SLC25A13: variants seen among roughly 807,000 people sequenced by gnomAD.
SLC25A13 encodes electrogenic aspartate/glutamate antiporter SLC25A13, mitochondrial.
In SLC25A13, 70 loss-of-function variants were observed where a neutral mutation model predicts 85.5. The observed-to-expected ratio is 0.82, with a 90% CI of 0.68 to 1.00. SLC25A13 has a LOEUF of 1.00. SLC25A13 is among the 50% of genes least tolerant of loss of function. The pLI is 0.00. For synonymous variants in SLC25A13, 259 were observed against 288.7 expected (o/e 0.90, Z 1.04); for missense variants, 765 against 819.8 (o/e 0.93, Z 0.82).
chr7:96,181,062 TAACAAC>T (rs374391427), intron 11 of SLC25A13, among the ~76,000 whole-genome samples: 10 of 152,084 alleles, frequency 6.6e-5, no homozygotes, highest in African/African-American at 1.9e-4. Flanking sequence ...TTTTCAGAAA[TAACAAC>T]AACAACAACA....
intron 3 of SLC25A13, among the ~76,000 whole-genome samples, chr7:96,236,431 C>G (rs1244834977): frequency 6.6e-6 from 1 of 152,048 alleles, no homozygotes; most frequent in African/African-American, 2.4e-5. Context: ...CACATAACCA[C>G]TAGAAATTAA....
chr7:96,202,984 C>T (rs572416141), intron 5 of SLC25A13, among the ~76,000 whole-genome samples: 8 of 152,270 alleles, frequency 5.3e-5, no homozygotes, highest in South Asian at 2.1e-4. Flanking sequence ...TGGCCCATCA[C>T]TGTTACCATC....
chr7:96,218,636 T>G (rs1269644354), intron 4 of SLC25A13, among the ~76,000 whole-genome samples: 1 of 152,192 alleles, frequency 6.6e-6, no homozygotes, highest in African/African-American at 2.4e-5. Context: ...AAAAAGAGTT[T>G]CTCATTAAAA....
intron 4 of SLC25A13, among the ~76,000 whole-genome samples, chr7:96,229,191 G>A (rs546491674): frequency 9.2e-5 from 14 of 152,326 alleles, no homozygotes; most frequent in South Asian, 6.2e-4. Context: ...GTGGGGACTC[G>A]GAGAACTTTT....
At chr7:96,293,202 G>A (rs1193062884) in intron 2 of SLC25A13, among the ~76,000 whole-genome samples, 1 of 152,170 alleles carries the variant, frequency 6.6e-6, no homozygotes, top group African/African-American at 2.4e-5. Context: ...TTAACAAATG[G>A]TACTGGGAAA....
intron 13 of SLC25A13, among the ~76,000 whole-genome samples, chr7:96,149,583 T>C (rs1478537312): frequency 1.3e-5 from 2 of 152,150 alleles, no homozygotes; most frequent in African/African-American, 4.8e-5. Flanking sequence ...GAAAACATAA[T>C]GATGTACCCA....
intron 3 of SLC25A13, among the ~76,000 whole-genome samples, chr7:96,256,232 C>G (rs549887395): frequency 1.3e-5 from 2 of 152,054 alleles, no homozygotes; most frequent in African/African-American, 4.8e-5. Context: ...ACAATATTAA[C>G]CTTAAACGGG....
intron 1 of SLC25A13, chr7:96,306,999 G>A (rs967534554): frequency 2.5e-6 from 2 of 812,058 alleles, no homozygotes; most frequent in Non-Finnish European, 4.0e-6. Context: ...TTTGCCATGA[G>A]TCTGCGGTGG....
At chr7:96,246,494 G>C (rs199567783) in intron 3 of SLC25A13, among the ~76,000 whole-genome samples, 8 of 128,342 alleles carry the variant, frequency 6.2e-5, no homozygotes, top group Non-Finnish European at 8.5e-5. Context: ...ACAAGAACAT[G>C]CTATTTTCTT....
At chr7:96,217,966 G>A (rs1229227393) in intron 4 of SLC25A13, among the ~76,000 whole-genome samples, 2 of 150,802 alleles carry the variant, frequency 1.3e-5, no homozygotes, top group African/African-American at 4.9e-5. Context: ...AGTAACCCTG[G>A]GCAAATTACT....
intron 13 of SLC25A13, among the ~76,000 whole-genome samples, chr7:96,169,324 A>G (rs953181465): frequency 6.6e-6 from 1 of 152,216 alleles, no homozygotes; most frequent in Non-Finnish European, 1.5e-5. Context: ...TCGGATAAAA[A>G]AAACCAATAT....
chr7:96,295,515 C>T (rs192742000), intron 2 of SLC25A13, among the ~76,000 whole-genome samples: 5 of 152,266 alleles, frequency 3.3e-5, no homozygotes, highest in East Asian at 1.9e-4. Context: ...ATCTCAGAAA[C>T]GGTAGTCTCA....
chr7:96,164,283 C>G (rs1405271484), intron 13 of SLC25A13, among the ~76,000 whole-genome samples: 1 of 152,176 alleles, frequency 6.6e-6, no homozygotes, highest in African/African-American at 2.4e-5. Context: ...ATGTGGAGAA[C>G]CTGTTCCCCC....
At chr7:96,128,353 C>T (rs924091707) in intron 15 of SLC25A13, among the ~76,000 whole-genome samples, 1 of 152,130 alleles carries the variant, frequency 6.6e-6, no homozygotes, top group African/African-American at 2.4e-5. Flanking sequence ...ATGAGAGAGA[C>T]ATCCTTGTCT....
intron 15 of SLC25A13, among the ~76,000 whole-genome samples, chr7:96,122,369 G>C (rs73232567): frequency 0.088 from 13,415 of 152,178 alleles, 785 homozygotes; most frequent in Non-Finnish European, 0.13. Flanking sequence ...AAAAACTTGC[G>C]AAGTTATTAG....
At chr7:96,221,960 C>T (rs543273938) in intron 4 of SLC25A13, among the ~76,000 whole-genome samples, 2 of 152,250 alleles carry the variant, frequency 1.3e-5, no homozygotes, top group South Asian at 2.1e-4. Flanking sequence ...GAAATCGCCC[C>T]GGTTCTGTGG....
At chr7:96,245,195 T>C (rs1176202260) in intron 3 of SLC25A13, among the ~76,000 whole-genome samples, 1 of 152,246 alleles carries the variant, frequency 6.6e-6, no homozygotes, top group African/African-American at 2.4e-5. Context: ...ATCCCTTTTC[T>C]AGTTCTCACT....
intron 13 of SLC25A13, among the ~76,000 whole-genome samples, chr7:96,157,284 CT>C (rs2116523710): frequency 6.6e-6 from 1 of 151,998 alleles, no homozygotes; most frequent in Admixed American, 6.5e-5. Flanking sequence ...GTTTTTTCTT[CT>C]AATACCGCCT....
At chr7:96,188,959 T>C (rs1199701277) in intron 9 of SLC25A13, among the ~76,000 whole-genome samples, 6 of 152,244 alleles carry the variant, frequency 3.9e-5, no homozygotes, top group Non-Finnish European at 7.3e-5. Flanking sequence ...ACAGGCACAG[T>C]GACACCAACA....
Sources: gnomAD v4.1 joint callset for allele counts (sites outside exome capture counted in the v4.1 genomes callset) on GRCh38, gnomAD v4.1.1 for gene constraint, MANE v1.5 for transcripts, NCBI Gene and HGNC (gene_info 2026-07-23, HGNC 2026-07-21) for gene names.